The following NFKB1 variants were observed in gnomAD, a reference collection of about 807,000 sequenced individuals.
NFKB1 encodes the protein nuclear factor kappa B subunit 1, also known as nuclear factor NF-kappa-B p105 subunit.
In NFKB1, 9 loss-of-function variants were observed where a neutral mutation model predicts 105.1. The ratio of observed to expected loss-of-function variants is 0.09; its 90% confidence interval spans 0.05 to 0.15. The LOEUF is 0.15. NFKB1 is among the 10% of genes least tolerant of loss of function. The probability of loss-of-function intolerance (pLI) is 1.00; values close to 1 mark genes in which losing one functional copy is unlikely to be tolerated. For missense variants in NFKB1, 830 were observed against 1,203.7 expected, an observed-to-expected ratio of 0.69 and a Z score of 4.59; for synonymous variants, 440 against 442.2, an observed-to-expected ratio of 1.00 and a Z score of 0.06.
chr4:102,593,255 C>T (rs1726318882), intron 11 of NFKB1, 170 bp from the exon 12 acceptor site: 3 of 640,100 alleles, frequency 4.7e-6, no homozygotes, highest in African/African-American at 3.7e-5. Flanking sequence ...CCTTCATACC[C>T]ATTGGAATAA....
chr4:102,583,120 C>A (rs1342857774), intron 10 of NFKB1, among the ~76,000 whole-genome samples, 163 bp downstream of exon 10: 1 of 152,118 alleles, frequency 6.6e-6, no homozygotes, highest in Admixed American at 6.5e-5. Context: ...TCTGGGACTA[C>A]AGGCATGCTA....
At position 102,530,472 on chromosome 4, in the gene NFKB1, T is replaced by TA. The variant is rs952102488; in HGVS notation, c.118+568dup. ...CAACTGTTTAATTTCGTAAGAGTAA[T>TA]AAAAAAAAAACTCTCTTTCTTAAAA... On this transcript the variant is annotated intron_variant, in intron 3 of 23. Coordinates refer to ENST00000226574, the MANE Select transcript of NFKB1 (RefSeq NM_003998.4). 7.3e-3 allele frequency among the ~76,000 whole-genome samples: 1,093 copies of TA among 148,748 alleles called. 12 individuals carry two copies. Among genetic ancestry groups the TA allele is most frequent in the African/African-American group, 0.025 (1,014 of 40,712 alleles).
chr4:102,502,375 TGCGCGC>T (rs748607205), intron 1 of NFKB1, among the ~76,000 whole-genome samples: 2 of 83,668 alleles, frequency 2.4e-5, no homozygotes, highest in Admixed American at 1.1e-4. Context: ...CCCCCCTCCG[TGCGCGC>T]GCGCGCGCGC....
At position 102,517,916 on chromosome 4, in the gene NFKB1, G is replaced by C. The variant is rs1187260191; in HGVS notation, c.-7-7596G>C. ...AATATAATAATGTAATGTGCTGAGT[G>C]GTTGAAGTCTTTGGACTTTATCTTA... On this transcript the variant is annotated intron_variant, in intron 1 of 23. Coordinates refer to ENST00000226574, the MANE Select transcript of NFKB1 (RefSeq NM_003998.4). 2.0e-5 allele frequency among the ~76,000 whole-genome samples: 3 copies of C among 152,280 alleles called. No individual in the cohort carries two copies. In the East Asian group the frequency reaches 5.8e-4, roughly 29 times the overall value.
At chr4:102,571,693 C>G (rs1374307323) in intron 6 of NFKB1, among the ~76,000 whole-genome samples, 2 of 152,202 alleles carry the variant, frequency 1.3e-5, no homozygotes, top group Non-Finnish European at 2.9e-5. Context: ...AGACACTTCT[C>G]AAAAGAAGAC....
chr4:102,517,243 T>C (rs1740253162), intron 1 of NFKB1, among the ~76,000 whole-genome samples: 1 of 152,182 alleles, frequency 6.6e-6, no homozygotes, highest in South Asian at 2.1e-4. Context: ...AGTCAAAAAG[T>C]GAGGGCGAAT....
chr4:102,580,466 C>T, intron 8 of NFKB1, 69 bp from the exon 9 acceptor site: 2 of 1,279,788 alleles, frequency 1.6e-6, no homozygotes, highest in Non-Finnish European at 2.3e-6. Flanking sequence ...GGGGAGGGTC[C>T]TACCTAAAGG....
chr4:102,563,107 C>T (rs1048504949), intron 5 of NFKB1, among the ~76,000 whole-genome samples: 9 of 152,252 alleles, frequency 5.9e-5, no homozygotes, highest in Admixed American at 1.3e-4. Flanking sequence ...TTTACCCCAA[C>T]GTGACAAAAT....
intron 12 of NFKB1, among the ~76,000 whole-genome samples, chr4:102,594,426 A>C (rs1726435372): frequency 6.6e-6 from 1 of 152,308 alleles, no homozygotes; most frequent in East Asian, 1.9e-4. Flanking sequence ...CTGTTTTCCC[A>C]AAGAGTTGTA....
Position 102,612,768 on chromosome 4 carries a change from C to A in NFKB1, c.2592+162C>A, listed in dbSNP as rs4648111. ...GACCCAGGCCAAGTTGGCAGCCCAT[C>A]TTCCTGAGAATGCTGTTTTCAGATA... is the stretch of plus-strand genomic sequence containing the variant. On this transcript the variant is annotated intron_variant, in intron 22 of 23. Transcript: ENST00000226574. Among the ~76,000 whole-genome samples, 428 of 152,302 alleles carry A rather than the reference C, an allele frequency of 2.8e-3. 2 individuals carry two copies. The highest frequency in any genetic ancestry group is 1.0e-2 in the African/African-American group (414 of 41,564).
At chr4:102,502,544 C>T (rs1016100724) in intron 1 of NFKB1, among the ~76,000 whole-genome samples, 2 of 152,134 alleles carry the variant, frequency 1.3e-5, no homozygotes, top group African/African-American at 2.4e-5. Flanking sequence ...TTATGTAAAA[C>T]TCTTGGACAG....
intron 1 of NFKB1, among the ~76,000 whole-genome samples, chr4:102,519,328 A>G (rs1740414608): frequency 6.9e-6 from 1 of 145,852 alleles, no homozygotes; most frequent in Non-Finnish European, 1.5e-5. Flanking sequence ...TATGTTATAT[A>G]TAAAGTATAT....
At chr4:102,557,546 C>T (rs13117745) in intron 5 of NFKB1, among the ~76,000 whole-genome samples, 27,639 of 152,072 alleles carry the variant, frequency 0.18, 2,931 homozygotes, top group Middle Eastern at 0.3. Context: ...TGTTCCTATC[C>T]ATCACCACAG....
chr4:102,545,654 A>G (rs1722079654), intron 5 of NFKB1, among the ~76,000 whole-genome samples: 1 of 152,098 alleles, frequency 6.6e-6, no homozygotes, highest in Non-Finnish European at 1.5e-5. Flanking sequence ...GAATCTTTTA[A>G]ATCTATGGTT....
intron 5 of NFKB1, among the ~76,000 whole-genome samples, chr4:102,545,505 C>T (rs1324061679): frequency 6.6e-6 from 1 of 152,094 alleles, no homozygotes; most frequent in African/African-American, 2.4e-5. Flanking sequence ...AATTAAGAAG[C>T]TTAACTTGGG....
chr4:102,574,872 A>T (rs1162860044), intron 6 of NFKB1, among the ~76,000 whole-genome samples: 1 of 152,220 alleles, frequency 6.6e-6, no homozygotes, highest in Non-Finnish European at 1.5e-5. Flanking sequence ...AATAAGGATG[A>T]TGTTTTTCTC....
At chr4:102,515,104 A>ATTTTTT (rs761237095) in intron 1 of NFKB1, among the ~76,000 whole-genome samples, 2,028 of 112,578 alleles carry the variant, frequency 0.018, 63 homozygotes, top group African/African-American at 0.034. Context: ...TATTATTATT[A>ATTTTTT]TTATTTTTTT....
In NFKB1 at chr4:102,507,574, T is replaced by A. The variant is rs183443890; in HGVS notation, c.-8+5786T>A. On this transcript the variant is annotated intron_variant, in intron 1 of 23. Coordinates refer to ENST00000226574, the MANE Select transcript of NFKB1 (RefSeq NM_003998.4). The stretch of plus-strand genomic sequence containing the variant: ...GCCTCAGCCTCCCAAAGTGCCGGGA[T>A]TACAGGCGTGAGCCACCTAGCTTGG... Among the ~76,000 whole-genome samples the A allele has an allele frequency of 7.3e-3, 1,110 of 152,302 alleles. 7 individuals carry two copies. Among genetic ancestry groups the A allele is most frequent in the African/African-American group, 0.021 (867 of 41,564 alleles).
chr4:102,525,659 T>G, intron 2 of NFKB1, 102 bp downstream of exon 2: 1 of 1,069,566 alleles, frequency 9.3e-7, no homozygotes, highest in African/African-American at 1.7e-5. Context: ...AATTCTAAAA[T>G]TAGTAAATTT....
Sources: gnomAD v4.1 joint callset for allele counts (sites outside exome capture counted in the v4.1 genomes callset) on GRCh38, gnomAD v4.1.1 for gene constraint, MANE v1.5 for transcripts, NCBI Gene and HGNC (gene_info 2026-07-23, HGNC 2026-07-21) for gene names.